Variants in PCDHGA2 observed in about 807,000 individuals in gnomAD.
PCDHGA2 encodes the protein protocadherin gamma-A2.
A neutral mutation model predicts 59.2 loss-of-function variants in PCDHGA2; 40 were observed. That is an observed-to-expected ratio of 0.68 (90% confidence interval 0.52 to 0.88). PCDHGA2 has a LOEUF of 0.88. Among genes scored for constraint, PCDHGA2 ranks in the 40% least tolerant of loss-of-function variants. The pLI, the probability that PCDHGA2 is intolerant of heterozygous loss-of-function variation, is 0.00. For missense variants in PCDHGA2, 1,226 were observed against 1,204.0 expected (o/e 1.02, Z -0.27); for synonymous variants, 560 against 526.0 (o/e 1.06, Z -0.89).
Position 141,415,335 on chromosome 5 carries a change from G to T in PCDHGA2, c.2424+73940G>T, listed in dbSNP as rs779617513. On this transcript the variant is annotated intron_variant, in intron 1 of 3. Coordinates refer to ENST00000394576, the MANE Select transcript of PCDHGA2 (RefSeq NM_018915.4). ...TCATCGTGCTGCTGGCGCACAGGCT[G>T]CGGCGCTGGCACAAGTCACGCCTGC... The T allele has an allele frequency of 4.3e-6, 7 of 1,614,110 alleles. No homozygotes were observed. The Admixed American group carries it at 1.2e-4, about 27-fold the overall frequency.
chr5:141,382,869 T>C (rs887588063), intron 1 of PCDHGA2: 1 of 1,519,592 alleles, frequency 6.6e-7, no homozygotes, highest in Non-Finnish European at 8.8e-7. Flanking sequence ...CTTCCCGAGA[T>C]CGGCGCCTAA....
At chr5:141,375,585 T>C (rs765334095) in intron 1 of PCDHGA2, 7 of 1,614,014 alleles carry the variant, frequency 4.3e-6, no homozygotes, top group African/African-American at 1.3e-5. Context: ...GGGGCGCCCC[T>C]GTCCTCCTAC....
chr5:141,391,885 G>C (rs1250781964), intron 1 of PCDHGA2: 2 of 152,194 alleles, frequency 1.3e-5, no homozygotes, highest in Non-Finnish European at 2.9e-5. Flanking sequence ...TGGTGAAAGG[G>C]ATGGGATGGA....
intron 1 of PCDHGA2, chr5:141,407,957 G>A: frequency 1.5e-6 from 1 of 660,494 alleles, no homozygotes; most frequent in Non-Finnish European, 2.4e-6. Flanking sequence ...GGCCAGTGCA[G>A]AGCAAGCGCT....
chr5:141,366,906 C>A, intron 1 of PCDHGA2: 1 of 1,142,114 alleles, frequency 8.8e-7, no homozygotes, highest in South Asian at 1.7e-5. Context: ...ATGCTTTCTC[C>A]ATTTGTTTTC....
chr5:141,428,108 G>C (rs771684309), intron 1 of PCDHGA2: 6 of 1,608,094 alleles, frequency 3.7e-6, no homozygotes, highest in Admixed American at 1.7e-5. Context: ...ACGTGCTGCA[G>C]GCCATCGAGC....
intron 1 of PCDHGA2, among the ~76,000 whole-genome samples, chr5:141,474,193 A>C (rs2099345142): frequency 6.6e-6 from 1 of 152,256 alleles, no homozygotes. Context: ...TACATTTTTA[A>C]AAGCTGATTT....
At chr5:141,423,619 T>C (rs1389600826) in intron 1 of PCDHGA2, 1 of 1,608,090 alleles carries the variant, frequency 6.2e-7, no homozygotes. Context: ...AGCTGAAGAC[T>C]CAGCTATCAT....
At chr5:141,414,481 C>T (rs1011579090) in intron 1 of PCDHGA2, 2 of 1,613,948 alleles carry the variant, frequency 1.2e-6, no homozygotes, top group Non-Finnish European at 1.7e-6. Context: ...AAGTCCTCCT[C>T]TATCAACGGA....
intron 1 of PCDHGA2, chr5:141,371,928 G>A (rs1305933236): frequency 4.3e-6 from 7 of 1,613,232 alleles, no homozygotes; most frequent in Non-Finnish European, 5.1e-6. Flanking sequence ...CGCGCGGAGC[G>A]GGGTGGTGTT....
intron 1 of PCDHGA2, among the ~76,000 whole-genome samples, chr5:141,347,095 C>T (rs938704092): frequency 1.3e-5 from 2 of 149,400 alleles, no homozygotes; most frequent in Non-Finnish European, 3.0e-5. Flanking sequence ...TCCTTCCTTC[C>T]TTCCTCTCTC....
Position 141,511,267 on chromosome 5 carries a change from C to T in PCDHGA2, c.*94C>T, listed in dbSNP as rs1223074819. 1.3e-6 allele frequency: 2 copies of T among 1,549,404 alleles called. No homozygotes were observed. Among genetic ancestry groups the T allele is most frequent in the Non-Finnish European group, 1.7e-6 (2 of 1,146,836 alleles). On this transcript the variant is annotated 3_prime_UTR_variant, in exon 4 of 4. Transcript: ENST00000394576. ...CCAGGCCTCAGAGTTTCAGGGCTAA[C>T]CCCCAGAATACTGGTAGGGGCCAAG...
At chr5:141,418,405 G>T in intron 1 of PCDHGA2, 1 of 1,614,020 alleles carries the variant, frequency 6.2e-7, no homozygotes, top group African/African-American at 1.3e-5. Context: ...CATTGGTGGA[G>T]AAAGACAATC....
Position 141,431,646 on chromosome 5 carries a change from G to A in PCDHGA2, c.2425-63161G>A. ...GCGGCCCAAGTTTTCAAACTAGATT[G>A]TAATTCAGGGACAATATCAACAATA... On this transcript the variant is annotated intron_variant, in intron 1 of 3. Coordinates refer to ENST00000394576, the MANE Select transcript of PCDHGA2 (RefSeq NM_018915.4). The surrounding 1 kb of genome is among the most constrained non-coding windows in gnomAD (Gnocchi z 4.8). 2 of 1,614,252 alleles carry A rather than the reference G, an allele frequency of 1.2e-6. No individual in the cohort carries two copies. Among genetic ancestry groups the A allele is most frequent in the Non-Finnish European group, 1.7e-6 (2 of 1,180,046 alleles).
At position 141,393,141 on chromosome 5, in the gene PCDHGA2, G is replaced by A. The variant is rs371909748; in HGVS notation, c.2424+51746G>A. 20 of 1,613,182 alleles carry A rather than the reference G, an allele frequency of 1.2e-5. No homozygotes were observed. The African/African-American group carries it at 2.4e-4, about 19-fold the overall frequency. On this transcript the variant is annotated intron_variant, in intron 1 of 3. Coordinates refer to ENST00000394576, the MANE Select transcript of PCDHGA2 (RefSeq NM_018915.4). Reference sequence around the variant, plus strand: ...GTGTCTGATAAATATTAACACCCTGGTTGAGGATAAAGGAAAACTCTTTGG... The same window carrying A: ...GTGTCTGATAAATATTAACACCCTGATTGAGGATAAAGGAAAACTCTTTGG...
chr5:141,339,772 T>C lies in PCDHGA2; in HGVS notation c.801T>C (p.Thr267=). 6.2e-7 allele frequency: 1 copy of C among 1,614,180 alleles called. No homozygotes were observed. The highest frequency in any genetic ancestry group is 8.5e-7 in the Non-Finnish European group (1 of 1,180,030). ...CCCGGATACTCACGGTGACCGCCAC[T>C]GACGCAGATGAGGGCTACTACGCTC... The part of the protein sequence containing the change: ...VGTRILTVTA[T]DADEGYYAQV... The change falls in exon 1 of 4, where the codon ACT becomes ACC. Residue 267 remains threonine (T), a synonymous_variant. Transcript: ENST00000394576.
chr5:141,394,257 C>A (rs1256817731), intron 1 of PCDHGA2: 1 of 1,613,828 alleles, frequency 6.2e-7, no homozygotes, highest in Non-Finnish European at 8.5e-7. Flanking sequence ...CCCCGACAGC[C>A]AGGAGAATGC....
Position 141,476,187 on chromosome 5 carries a change from G to A in PCDHGA2, c.2425-18620G>A. 6.2e-7 allele frequency: 1 copy of A among 1,613,782 alleles called. No individual in the cohort carries two copies. The highest frequency in any genetic ancestry group is 1.1e-5 in the South Asian group (1 of 91,072). ...GTAGTGGGAGTTTTGCTTCTGCTTG[G>A]TGCCTTGAACAAGGCTTCCACGGTC... On this transcript the variant is annotated intron_variant, in intron 1 of 3. Coordinates refer to ENST00000394576, the MANE Select transcript of PCDHGA2 (RefSeq NM_018915.4). This position sits in a 1 kb window ranked among gnomAD's most constrained non-coding sequence, Gnocchi z 7.6.
chr5:141,487,041 G>C lies in PCDHGA2; in HGVS notation c.2425-7766G>C, dbSNP rs149314216. On this transcript the variant is annotated intron_variant, in intron 1 of 3. Coordinates refer to ENST00000394576, the MANE Select transcript of PCDHGA2 (RefSeq NM_018915.4). The surrounding 1 kb of genome is among the most constrained non-coding windows in gnomAD (Gnocchi z 5.0). ...GATCCCAGCCTGTTTGCAGTCTCTC[G>C]ATATGCTGGGGAGGTGCGGACGGCT... 2.5e-6 allele frequency: 4 copies of C among 1,614,018 alleles called. No homozygotes were observed. Among genetic ancestry groups the C allele is most frequent in the South Asian group, 2.2e-5 (2 of 91,084 alleles).
Sources: allele counts gnomAD v4.1 joint callset (sites outside exome capture counted in the v4.1 genomes callset), GRCh38; gene constraint gnomAD v4.1.1; non-coding constraint Gnocchi (gnomAD v3.1); transcripts MANE v1.5; gene names NCBI Gene and HGNC (gene_info 2026-07-23, HGNC 2026-07-21).